Variants in SPTA1 observed in about 807,000 individuals in gnomAD.
SPTA1 encodes spectrin alpha, erythrocytic 1.
Under a neutral mutation model 324.7 loss-of-function variants are expected in SPTA1, and 177 were observed. The observed-to-expected ratio is 0.55, with a 90% CI of 0.48 to 0.62. The LOEUF is 0.62. Among genes scored for constraint, SPTA1 ranks in the 20% least tolerant of loss-of-function variants. SPTA1 has a pLI of 0.00. For missense variants in SPTA1, 3,162 were observed against 2,883.6 expected (o/e 1.10, Z -2.21); for synonymous variants, 1,195 against 1,041.3 (o/e 1.15, Z -2.84).
At chr1:158,683,209 G>A (rs981197237) in intron 3 of SPTA1, among the ~76,000 whole-genome samples, 162 bp downstream of exon 3, 21 of 151,990 alleles carry the variant, frequency 1.4e-4, no homozygotes, top group Non-Finnish European at 2.6e-4. Context: ...CAAGAAACAC[G>A]AAGATATCCC....
chr1:158,625,262 C>T (rs889310315), intron 42 of SPTA1, among the ~76,000 whole-genome samples: 1 of 152,014 alleles, frequency 6.6e-6, no homozygotes, highest in Non-Finnish European at 1.5e-5. Context: ...CACTTTAAAT[C>T]AAGAAATGTA....
chr1:158,621,796 A>G (rs540011353), intron 43 of SPTA1, among the ~76,000 whole-genome samples: 2 of 152,208 alleles, frequency 1.3e-5, no homozygotes, highest in Non-Finnish European at 2.9e-5. Flanking sequence ...CCTTGACTTA[A>G]TTTGTTACCA....
chr1:158,662,767 C>T lies in SPTA1; in HGVS notation c.2399G>A (p.Arg800Lys). 2 of 1,614,036 alleles carry T rather than the reference C, an allele frequency of 1.2e-6. No homozygotes were observed. Among genetic ancestry groups the T allele is most frequent in the Non-Finnish European group, 1.7e-6 (2 of 1,179,974 alleles). ...LDLLHLQLIC[R>K]DTEDEEAWIQ... ...CCAGGCCTCCTCATCCTCTGTGTCT[C>T]TACAAATCAGCTGCAGATGGAGAAG... is the stretch of plus-strand genomic sequence containing the variant. Residue 800 changes from arginine to lysine, a missense_variant, in exon 17 of 52, where the codon AGA becomes AAA. Transcript: ENST00000643759.
Position 158,615,379 on chromosome 1 carries a change from T to A in SPTA1, c.6625A>T (p.Met2209Leu), listed in dbSNP as rs1193569306. 1.9e-6 allele frequency: 3 copies of A among 1,613,956 alleles called. No individual in the cohort carries two copies. The highest frequency in any genetic ancestry group is 2.2e-5 in the East Asian group (1 of 44,894). Reference protein sequence around the residue: ...NKRKQKEIQAMKRQLTKIVDL... With the variant: ...NKRKQKEIQALKRQLTKIVDL... ...ACAATCTTGGTTAGTTGACGCTTCA[T>A]CGCCTGGATCTCCTTCTGTTTTCTC... is the stretch of plus-strand genomic sequence containing the variant. The change falls in exon 48 of 52, where the codon ATG (methionine) becomes TTG (leucine). Residue 2209 changes from methionine to leucine, a missense_variant. By Grantham distance (15) the Met-to-Leu change is conservative. Transcript: ENST00000643759.
rs778926493 is a variant in SPTA1 at position 158,652,644 on chromosome 1, G to T, written c.3198C>A (p.Ser1066=). ...RQEQIENQYR[S]LLDRAEERRR... ...TGCGTTCTTCTGCCCGATCCAAGAGGGAGCGGTATCTGGATGGAGAATTGG... is the reference window on the plus strand; with the variant it reads ...TGCGTTCTTCTGCCCGATCCAAGAGTGAGCGGTATCTGGATGGAGAATTGG... The change falls in exon 23 of 52, where the codon TCC becomes TCA. Residue 1066 remains serine (S), a synonymous_variant. Transcript: ENST00000643759. 1.2e-6 allele frequency: 2 copies of T among 1,614,102 alleles called. No homozygotes were observed. The highest frequency in any genetic ancestry group is 2.2e-5 in the South Asian group (2 of 91,076).
At position 158,645,570 on chromosome 1, in the gene SPTA1, G is replaced by C; in HGVS notation, c.3921C>G (p.Ser1307Arg). Residue 1307 changes from serine (S) to arginine (R), a missense_variant, in exon 28 of 52, where the codon AGC becomes AGG. By Grantham distance (110) the Ser-to-Arg change is moderately radical. Transcript: ENST00000643759. The part of the protein sequence containing the change: ...KARDLQNWIS[S>R]IGGMVSSQEL... ...CCTGTGATGATACCATGCCACCAAT[G>C]CTACTGATCCAGTTCTGCAGATCCC... is the stretch of plus-strand genomic sequence containing the variant. 6.2e-7 allele frequency: 1 copy of C among 1,613,958 alleles called. No homozygotes were observed.
intron 16 of SPTA1, among the ~76,000 whole-genome samples, chr1:158,664,202 C>A (rs1400712312): frequency 6.6e-6 from 1 of 152,166 alleles, no homozygotes; most frequent in Non-Finnish European, 1.5e-5. Context: ...GATTATAAAT[C>A]ATTCTACTAT....
Position 158,636,689 on chromosome 1 carries a change from C to T in SPTA1, c.5262G>A (p.Lys1754=). The T allele has an allele frequency of 5.0e-6, 8 of 1,614,140 alleles. No individual in the cohort carries two copies. Among genetic ancestry groups the T allele is most frequent in the Non-Finnish European group, 5.9e-6 (7 of 1,180,000 alleles). ...CCAGCTCCCCCTCTAGGCGTTTGTG[C>T]TTCTTCAGCAAGTTCTGAACCCCCT... ...DLQGVQNLLK[K]HKRLEGELVA... is the part of the protein sequence containing the mutation. Residue 1754 remains lysine, a synonymous_variant, in exon 37 of 52, where the codon AAG becomes AAA. Transcript: ENST00000643759.
intron 8 of SPTA1, 41 bp from the exon 9 acceptor site, chr1:158,674,716 G>T (rs1413782880): frequency 1.2e-6 from 2 of 1,609,918 alleles, no homozygotes. Context: ...GGAGAAACCA[G>T]ATATGAAAGG....
chr1:158,645,522 G>T lies in SPTA1; in HGVS notation c.3969C>A (p.Gly1323=), dbSNP rs1356345060. The T allele has an allele frequency of 6.2e-7, 1 of 1,613,986 alleles. No individual in the cohort carries two copies. The highest frequency in any genetic ancestry group is 1.1e-5 in the South Asian group (1 of 91,082). ...SSQELAEDLT[G]IEILLERHQE... is the part of the protein sequence containing the mutation. ...GATGTCTCTCCAGCAAGATCTCTAT[G>T]CCAGTTAAGTCTTCGGCCAGCTCCT... Residue 1323 remains glycine, a synonymous_variant, in exon 28 of 52, where the codon GGC becomes GGA. Transcript: ENST00000643759.
intron 27 of SPTA1, among the ~76,000 whole-genome samples, chr1:158,646,062 GTCTTTCC>G (rs1168951614): frequency 6.6e-6 from 1 of 152,128 alleles, no homozygotes; most frequent in African/African-American, 2.4e-5. Context: ...AAGAAATCAT[GTCTTTCC>G]TCTTACTTTT....
In SPTA1 at chr1:158,678,625, C is replaced by G. The variant is rs940684120; in HGVS notation, c.679-91G>C. 1.6e-5 allele frequency: 24 copies of G among 1,463,482 alleles called. No individual in the cohort carries two copies. In the African/African-American group the frequency reaches 3.1e-4, roughly 19 times the overall value. 90.7% of individuals were successfully genotyped at this position (1,463,482 alleles called of 1,614,324 possible). A position where few individuals can be genotyped will look rare whatever the true frequency, so the allele number is the denominator to read the frequency against. ...ACTTTTCATTTTACATTAGTTCATA[C>G]TTTTACAGAAGTGAAAACTGACCAT... On this transcript the variant is annotated intron_variant, in intron 5 of 51. Coordinates refer to ENST00000643759, the MANE Select transcript of SPTA1 (RefSeq NM_003126.4).
intron 35 of SPTA1, 47 bp downstream of exon 35, chr1:158,639,532 CAGA>C (rs1338462526): frequency 3.5e-5 from 55 of 1,589,394 alleles, no homozygotes; most frequent in Non-Finnish European, 4.8e-5. Flanking sequence ...GGAGAAGAGC[CAGA>C]AATATTTCTA....
intron 45 of SPTA1, 23 bp from the exon 46 acceptor site, chr1:158,618,079 G>A (rs757346144): frequency 6.2e-7 from 1 of 1,607,796 alleles, no homozygotes; most frequent in East Asian, 2.2e-5. Context: ...GTCCGGAACA[G>A]GAATCACATG....
At chr1:158,627,046 A>C (rs1650325204) in intron 40 of SPTA1, 39 bp from the exon 41 acceptor site, 1 of 1,611,322 alleles carries the variant, frequency 6.2e-7, no homozygotes, top group Non-Finnish European at 8.5e-7. Flanking sequence ...TATAATGTGC[A>C]GGGCTGGAAA....
At chr1:158,674,897 G>C (rs1412789034) in intron 8 of SPTA1, among the ~76,000 whole-genome samples, 2 of 152,122 alleles carry the variant, frequency 1.3e-5, no homozygotes, top group African/African-American at 2.4e-5. Context: ...TACGTGTGTT[G>C]CTGTGGGATG....
Position 158,681,397 on chromosome 1 carries a change from CT to C in SPTA1, c.531+129del. On this transcript the variant is annotated intron_variant, in intron 4 of 51. Transcript: ENST00000643759. Reference sequence around the variant, plus strand: ...CCCTACATTTTGGCCCCAATTTCCTCTTGTTCCAAAGAACAAAGCCAGGAAC... The same window carrying C: ...CCCTACATTTTGGCCCCAATTTCCTCTGTTCCAAAGAACAAAGCCAGGAAC... 2.7e-6 allele frequency: 4 copies of C among 1,476,438 alleles called. No homozygotes were observed. In the South Asian group the frequency reaches 4.6e-5, roughly 17 times the overall value. 91.5% of individuals were successfully genotyped at this position (1,476,438 alleles called of 1,614,324 possible). A position where few individuals can be genotyped will look rare whatever the true frequency, so the allele number is the denominator to read the frequency against.
intron 23 of SPTA1, among the ~76,000 whole-genome samples, chr1:158,651,884 TC>T: frequency 9.2e-6 from 1 of 108,642 alleles, no homozygotes; most frequent in African/African-American, 9.7e-5. Flanking sequence ...GGGAGTGCTC[TC>T]TCTCTCTCTC....
At chr1:158,623,875 G>T (rs1439683124) in intron 42 of SPTA1, among the ~76,000 whole-genome samples, 1 of 152,170 alleles carries the variant, frequency 6.6e-6, no homozygotes, top group Admixed American at 6.5e-5. Context: ...AACAGGTAGG[G>T]GTTCCTGGGC....
Sources: allele counts gnomAD v4.1 joint callset (sites outside exome capture counted in the v4.1 genomes callset), GRCh38; gene constraint gnomAD v4.1.1; transcripts MANE v1.5; gene names NCBI Gene and HGNC (gene_info 2026-07-23, HGNC 2026-07-21).